KCND2: variants seen among roughly 807,000 people sequenced by gnomAD.
KCND2 encodes potassium voltage-gated channel subfamily D member 2.
KCND2 carries 16 observed loss-of-function variants against 54.4 expected under a neutral mutation model. The observed-to-expected ratio is 0.29, with a 90% confidence interval of 0.20 to 0.45. The LOEUF is 0.45. KCND2 is among the 20% of genes least tolerant of loss of function. KCND2 has a pLI of 1.00. For missense variants in KCND2, 486 were observed against 824.2 expected (o/e 0.59, Z 5.02); for synonymous variants, 317 against 310.7 (o/e 1.02, Z -0.21).
intron 1 of KCND2, among the ~76,000 whole-genome samples, chr7:120,417,855 A>T (rs1801546197): frequency 6.6e-6 from 1 of 152,208 alleles, no homozygotes; most frequent in Non-Finnish European, 1.5e-5. Context: ...CTTATGGTGG[A>T]TATAAACTTA....
chr7:120,391,747 A>G (rs900133613), intron 1 of KCND2, among the ~76,000 whole-genome samples: 7 of 151,930 alleles, frequency 4.6e-5, no homozygotes, highest in African/African-American at 1.2e-4. Flanking sequence ...TCGTTTGCCC[A>G]CTTTTTGATG....
intron 1 of KCND2, among the ~76,000 whole-genome samples, chr7:120,458,297 G>A (rs533465412): frequency 6.6e-6 from 1 of 152,260 alleles, no homozygotes; most frequent in South Asian, 2.1e-4. Context: ...CAGGTCACAG[G>A]TTTGGGTCTA....
intron 1 of KCND2, among the ~76,000 whole-genome samples, chr7:120,565,626 C>A (rs529085757): frequency 1.3e-5 from 2 of 152,200 alleles, no homozygotes; most frequent in East Asian, 3.9e-4. Flanking sequence ...AAGTCATAGT[C>A]CATTCTCTGG....
chr7:120,381,474 G>A (rs1800914679), intron 1 of KCND2, among the ~76,000 whole-genome samples: 1 of 151,876 alleles, frequency 6.6e-6, no homozygotes, highest in South Asian at 2.1e-4. Flanking sequence ...AATAAGACAT[G>A]GTAAATTTAT....
chr7:120,361,147 A>G (rs1011292520), intron 1 of KCND2, among the ~76,000 whole-genome samples: 13 of 152,044 alleles, frequency 8.6e-5, no homozygotes, highest in Admixed American at 3.9e-4. Context: ...TGACTGTCAC[A>G]GAAGCCTTTA....
chr7:120,713,105 G>A (rs558753268), intron 1 of KCND2, among the ~76,000 whole-genome samples: 9 of 152,224 alleles, frequency 5.9e-5, no homozygotes, highest in Non-Finnish European at 7.4e-5. Context: ...GTGAGGTTAC[G>A]AACTTATTAT....
intron 1 of KCND2, among the ~76,000 whole-genome samples, chr7:120,386,367 C>T (rs1345765238): frequency 6.6e-6 from 1 of 152,102 alleles, no homozygotes; most frequent in African/African-American, 2.4e-5. Flanking sequence ...TGCATTTCTC[C>T]TCTCTGCCCT....
At chr7:120,604,961 T>TGAAAGCAATCTTTGAA (rs1157560891) in intron 1 of KCND2, among the ~76,000 whole-genome samples, 1 of 152,212 alleles carries the variant, frequency 6.6e-6, no homozygotes, top group East Asian at 1.9e-4. Flanking sequence ...TCTCCTGAAG[T>TGAAAGCAATCTTTGAA]GAAAGCAATC....
intron 1 of KCND2, among the ~76,000 whole-genome samples, chr7:120,417,915 G>A (rs1225332224): frequency 6.6e-6 from 1 of 152,076 alleles, no homozygotes; most frequent in African/African-American, 2.4e-5. Flanking sequence ...TTAACAATAG[G>A]CATTCTAGAC....
rs1802488713 is a variant in KCND2 at position 120,473,423 on chromosome 7, G to A, written c.1115+197676G>A. ...AGACTCTACACTGTCTCTGACTGAA[G>A]GGGTTTCCTCCATGATCATTTGGCT... On this transcript the variant is annotated intron_variant, in intron 1 of 5. Transcript: ENST00000331113. Among the ~76,000 whole-genome samples, 3 of 152,130 alleles carry A rather than the reference G, an allele frequency of 2.0e-5. No individual in the cohort carries two copies. The South Asian group carries it at 6.2e-4, about 32-fold the overall frequency.
intron 1 of KCND2, among the ~76,000 whole-genome samples, chr7:120,537,319 A>G (rs747148302): frequency 6.6e-6 from 1 of 152,158 alleles, no homozygotes; most frequent in Non-Finnish European, 1.5e-5. Context: ...TATTCAGTAA[A>G]CCATGCTGTA....
At chr7:120,582,978 G>GTT (rs1259715372) in intron 1 of KCND2, among the ~76,000 whole-genome samples, 1 of 150,970 alleles carries the variant, frequency 6.6e-6, no homozygotes, top group Non-Finnish European at 1.5e-5. Flanking sequence ...GTGTGTGTGT[G>GTT]TATGTTTTAT....
At chr7:120,553,987 T>C (rs1584825511) in intron 1 of KCND2, among the ~76,000 whole-genome samples, 1 of 152,236 alleles carries the variant, frequency 6.6e-6, no homozygotes, top group African/African-American at 2.4e-5. Context: ...CTTCTTGACC[T>C]TGGTAAGCAA....
intron 1 of KCND2, among the ~76,000 whole-genome samples, chr7:120,677,888 C>T (rs35101238): frequency 0.33 from 50,425 of 151,808 alleles, 9,436 homozygotes; most frequent in African/African-American, 0.48. Flanking sequence ...AAGCTTATTT[C>T]TAGGTCAGTA....
chr7:120,400,518 C>T (rs995296279), intron 1 of KCND2, among the ~76,000 whole-genome samples: 2 of 152,140 alleles, frequency 1.3e-5, no homozygotes, highest in Admixed American at 6.6e-5. Flanking sequence ...TCTTTATACT[C>T]CCATAGCCTG....
intron 1 of KCND2, among the ~76,000 whole-genome samples, chr7:120,561,416 T>A (rs1005076023): frequency 6.6e-6 from 1 of 152,126 alleles, no homozygotes; most frequent in African/African-American, 2.4e-5. Flanking sequence ...GGCACTGATC[T>A]AAGTCTTTAT....
At chr7:120,687,704 G>T (rs890838858) in intron 1 of KCND2, among the ~76,000 whole-genome samples, 4 of 151,850 alleles carry the variant, frequency 2.6e-5, no homozygotes, top group Non-Finnish European at 5.9e-5. Flanking sequence ...ATAAACAAAT[G>T]CAATTTTTAT....
chr7:120,397,989 GTGTGTGTATATATATA>G (rs1272471687), intron 1 of KCND2, among the ~76,000 whole-genome samples: 4 of 40,364 alleles, frequency 9.9e-5, no homozygotes, highest in East Asian at 3.2e-4. Flanking sequence ...GTGTGTGTGT[GTGTGTGTATATATATA>G]TATATATATA....
intron 1 of KCND2, among the ~76,000 whole-genome samples, chr7:120,342,624 T>A (rs1035051139): frequency 2.0e-5 from 3 of 152,174 alleles, no homozygotes; most frequent in Non-Finnish European, 4.4e-5. Flanking sequence ...TTTGCTTTTG[T>A]AGTAAATACT....
Sources: allele counts gnomAD v4.1 joint callset (sites outside exome capture counted in the v4.1 genomes callset), GRCh38; gene constraint gnomAD v4.1.1; transcripts MANE v1.5; gene names NCBI Gene and HGNC (gene_info 2026-07-23, HGNC 2026-07-21).